The following C6 variants were observed in gnomAD, a reference collection of about 807,000 sequenced individuals.
C6 encodes the protein complement component C6.
In C6, 101 loss-of-function variants were observed where a neutral mutation model predicts 112.9. The ratio of observed to expected loss-of-function variants is 0.89; its 90% confidence interval spans 0.76 to 1.06. The LOEUF is 1.06. Ranked by LOEUF, C6 falls within the 50% of genes least tolerant of loss-of-function variation. C6 has a pLI of 0.00. For missense variants in C6, 1,202 were observed against 1,104.6 expected, an observed-to-expected ratio of 1.09 and a Z score of -1.25; for synonymous variants, 431 against 384.1, an observed-to-expected ratio of 1.12 and a Z score of -1.43.
chr5:41,234,978 T>C (rs938831196), intron 1 of C6, among the ~76,000 whole-genome samples: 12 of 152,000 alleles, frequency 7.9e-5, no homozygotes, highest in Non-Finnish European at 1.6e-4. Flanking sequence ...CTATTCACTG[T>C]GAAGATGAGA....
chr5:41,250,597 T>C (rs951963107), intron 1 of C6, among the ~76,000 whole-genome samples: 2 of 152,198 alleles, frequency 1.3e-5, no homozygotes, highest in African/African-American at 4.8e-5. Flanking sequence ...ATTTGGCTTC[T>C]TGCATTCCTA....
At chr5:41,191,687 A>T (rs1297374136) in intron 5 of C6, among the ~76,000 whole-genome samples, 1 of 150,896 alleles carries the variant, frequency 6.6e-6, no homozygotes. Flanking sequence ...AGCTCTCTTG[A>T]TTTCTTTTCC....
chr5:41,231,246 C>T (rs901651909), intron 1 of C6, among the ~76,000 whole-genome samples: 3 of 151,906 alleles, frequency 2.0e-5, no homozygotes, highest in Non-Finnish European at 4.4e-5. Flanking sequence ...TTTAAAATTG[C>T]TTCTTATTTT....
intron 1 of C6, among the ~76,000 whole-genome samples, chr5:41,239,237 C>G (rs1386610920): frequency 1.3e-5 from 2 of 151,624 alleles, no homozygotes; most frequent in East Asian, 3.9e-4. Context: ...TCAGCCTCCC[C>G]ATGAGCTGGG....
Position 41,176,606 on chromosome 5 carries a change from G to A in C6, c.1037C>T (p.Pro346Leu). ...GTACAAAGCAGAGTTGTATTCTAGA[G>A]GCAGATGGTTAAGTGCTTTCAAAAA... ...DVFLKALNHL[P>L]LEYNSALYSR... The change falls in exon 8 of 18, where the codon CCT becomes CTT. Residue 346 changes from proline (P) to leucine (L), a missense_variant. By Grantham distance (98) the Pro-to-Leu change is moderately conservative (BLOSUM62 -3). Transcript: ENST00000337836. 1 of 1,613,890 alleles carries A rather than the reference G, an allele frequency of 6.2e-7. No individual in the cohort carries two copies. Among genetic ancestry groups the A allele is most frequent in the Non-Finnish European group, 8.5e-7 (1 of 1,179,886 alleles).
chr5:41,163,287 T>C (rs1747691900), intron 9 of C6, among the ~76,000 whole-genome samples: 1 of 151,392 alleles, frequency 6.6e-6, no homozygotes, highest in African/African-American at 2.4e-5. Flanking sequence ...GAAACTTTTG[T>C]AATATATGTA....
At chr5:41,257,776 C>T (rs1741810052) in intron 1 of C6, among the ~76,000 whole-genome samples, 1 of 152,140 alleles carries the variant, frequency 6.6e-6, no homozygotes, top group Non-Finnish European at 1.5e-5. Context: ...TATACTACCT[C>T]CCAGCCCCCT....
At chr5:41,230,637 CCTTTGT>C (rs1044168399) in intron 1 of C6, among the ~76,000 whole-genome samples, 7 of 152,078 alleles carry the variant, frequency 4.6e-5, no homozygotes, top group African/African-American at 1.7e-4. Context: ...TTTGCCTTTG[CCTTTGT>C]GATCTTTATT....
chr5:41,261,332 C>T (rs560238930), exon 1 of C6: 3 of 365,532 alleles, frequency 8.2e-6, no homozygotes, highest in Non-Finnish European at 1.1e-5. Flanking sequence ...AAGCTAGAAA[C>T]ATCTCTCTTT....
upstream of C6, chr5:41,213,632 A>G: frequency 1.3e-6 from 1 of 788,978 alleles, no homozygotes; most frequent in Non-Finnish European, 1.5e-6. Flanking sequence ...TGGGTGTTGG[A>G]TGTTACACAG....
intron 9 of C6, among the ~76,000 whole-genome samples, chr5:41,167,095 T>C (rs1397367478): frequency 6.6e-6 from 1 of 152,080 alleles, no homozygotes; most frequent in Non-Finnish European, 1.5e-5. Flanking sequence ...TCTCTCATAA[T>C]TGAAGCTGAA....
chr5:41,162,333 T>A (rs996755360), intron 9 of C6, among the ~76,000 whole-genome samples: 1 of 152,180 alleles, frequency 6.6e-6, no homozygotes, highest in Non-Finnish European at 1.5e-5. Context: ...ATAAGTCACA[T>A]GGCTTCTGAT....
At chr5:41,210,693 A>G (rs935168796) in intron 1 of C6, among the ~76,000 whole-genome samples, 1 of 152,200 alleles carries the variant, frequency 6.6e-6, no homozygotes, top group Non-Finnish European at 1.5e-5. Flanking sequence ...GTGAGATACC[A>G]TCTCACACCA....
intron 1 of C6, chr5:41,203,565 T>TA: frequency 2.8e-6 from 1 of 350,920 alleles, no homozygotes. Context: ...ATTTTAGATT[T>TA]ATACAGTCTT....
chr5:41,230,851 G>T (rs1195828119), intron 1 of C6, among the ~76,000 whole-genome samples: 2 of 152,110 alleles, frequency 1.3e-5, no homozygotes, highest in African/African-American at 4.8e-5. Flanking sequence ...CAGACTGGCT[G>T]ACACTTAGAG....
At chr5:41,188,526 A>G (rs1749959350) in intron 5 of C6, among the ~76,000 whole-genome samples, 1 of 152,192 alleles carries the variant, frequency 6.6e-6, no homozygotes, top group South Asian at 2.1e-4. Flanking sequence ...AATGGGGAAA[A>G]TAGTCCTAAA....
chr5:41,196,209 A>G (rs6892389), intron 4 of C6, among the ~76,000 whole-genome samples: 24,670 of 151,946 alleles, frequency 0.16, 2,085 homozygotes, highest in Admixed American at 0.23. Flanking sequence ...GTGAGCCGCT[A>G]TAGAGATCAT....
At chr5:41,187,314 T>C (rs1242216554) in intron 5 of C6, among the ~76,000 whole-genome samples, 1 of 152,114 alleles carries the variant, frequency 6.6e-6, no homozygotes, top group Non-Finnish European at 1.5e-5. Flanking sequence ...GTTTCCCTTG[T>C]ACTTCTATGG....
intron 5 of C6, among the ~76,000 whole-genome samples, chr5:41,187,161 G>A (rs955994278): frequency 3.3e-5 from 5 of 152,022 alleles, no homozygotes; most frequent in Non-Finnish European, 4.4e-5. Flanking sequence ...GAATATCACT[G>A]GAAAATTCCA....
Sources: gnomAD v4.1 joint callset for allele counts (sites outside exome capture counted in the v4.1 genomes callset) on GRCh38, gnomAD v4.1.1 for gene constraint, MANE v1.5 for transcripts, NCBI Gene and HGNC (gene_info 2026-07-23, HGNC 2026-07-21) for gene names.